Variants in HERC1 observed in about 807,000 individuals in gnomAD.
HERC1 encodes the protein probable E3 ubiquitin-protein ligase HERC1.
Under a neutral mutation model 554.3 loss-of-function variants are expected in HERC1, and 160 were observed. The ratio of observed to expected loss-of-function variants is 0.29; its 90% CI spans 0.25 to 0.33. The LOEUF (loss-of-function observed/expected upper bound fraction) is 0.33, where lower values mean the gene tolerates loss of function less well. Ranked by LOEUF, HERC1 falls within the 10% of genes least tolerant of loss-of-function variation. The probability of loss-of-function intolerance (pLI) is 1.00; values close to 1 mark genes in which losing one functional copy is unlikely to be tolerated. For missense variants in HERC1, 4,919 were observed against 5,918.5 expected, an observed-to-expected ratio of 0.83 and a Z score of 5.54; for synonymous variants, 2,175 against 2,131.7, an observed-to-expected ratio of 1.02 and a Z score of -0.56.
At chr15:63,720,103 C>CTTTCTTTTTTTTTTT (rs2073748382) in intron 19 of HERC1, among the ~76,000 whole-genome samples, 1 of 71,608 alleles carries the variant, frequency 1.4e-5, no homozygotes, top group Admixed American at 1.7e-4. Flanking sequence ...TTTTTCTTCC[C>CTTTCTTTTTTTTTTT]TTTTTTTTTT....
chr15:63,683,383 G>C (rs973849703), intron 34 of HERC1, among the ~76,000 whole-genome samples: 9 of 151,988 alleles, frequency 5.9e-5, no homozygotes, highest in African/African-American at 2.2e-4. Context: ...GGAGTCTCTG[G>C]GAAAACAGAG....
At chr15:63,703,007 G>C (rs2153083204) in intron 25 of HERC1, among the ~76,000 whole-genome samples, 1 of 151,998 alleles carries the variant, frequency 6.6e-6, no homozygotes. Context: ...AGGAGGCTGA[G>C]GCAGGAGAAT....
chr15:63,666,365 C>T lies in HERC1; in HGVS notation c.8314G>A (p.Glu2772Lys). Reference sequence around the variant, plus strand: ...TAAAAACTTATCCTACCTGTAGCTTCCATGGCTTTGGCAATCTGCCGAAGA... The same window carrying T: ...TAAAAACTTATCCTACCTGTAGCTTTCATGGCTTTGGCAATCTGCCGAAGA... ...FSLRQIAKAM[E>K]ATGARGEADA... Residue 2772 changes from glutamate (E) to lysine (K), a missense_variant, in exon 41 of 78, where the codon GAA becomes AAA. Physicochemically the swap from Glu to Lys is moderately conservative, Grantham distance 56. This residue lies in a region of HERC1 where 1,963 missense variants were observed against 2,228.6 expected (regional missense o/e 0.88). Transcript: ENST00000443617. 2 of 1,610,186 alleles carry T rather than the reference C, an allele frequency of 1.2e-6. No homozygotes were observed. Among genetic ancestry groups the T allele is most frequent in the Non-Finnish European group, 1.7e-6 (2 of 1,176,638 alleles).
Position 63,655,946 on chromosome 15 carries a change from A to C in HERC1, c.9880T>G (p.Ser3294Ala). ...GTTAGATTTACACCTGTTGCAGCAG[A>C]AATCAAGTTCTGAAGAAGCAATTGG... ...LVQLCTQNLI[S>A]AATGVNLTTV... Residue 3294 changes from serine (S) to alanine (A), a missense_variant, in exon 50 of 78, where the codon TCT becomes GCT. Around this residue, in one of 11 missense-constraint regions of HERC1, gnomAD observed 1,963 missense variants for 2,228.6 expected, o/e 0.88. Coordinates refer to ENST00000443617, the MANE Select transcript of HERC1 (RefSeq NM_003922.4). 1 of 1,611,754 alleles carries C rather than the reference A, an allele frequency of 6.2e-7. No individual in the cohort carries two copies. Among genetic ancestry groups the C allele is most frequent in the Middle Eastern group, 1.7e-4 (1 of 6,058 alleles).
At chr15:63,815,347 G>A (rs1047085058) in intron 1 of HERC1, among the ~76,000 whole-genome samples, 3 of 152,148 alleles carry the variant, frequency 2.0e-5, no homozygotes, top group African/African-American at 7.2e-5. Context: ...TTAGATCCTG[G>A]CTTTGCTATG....
Position 63,713,630 on chromosome 15 carries a change from C to A in HERC1, c.4186G>T (p.Ala1396Ser). 3 of 1,612,528 alleles carry A rather than the reference C, an allele frequency of 1.9e-6. No individual in the cohort carries two copies. Among genetic ancestry groups the A allele is most frequent in the South Asian group, 1.1e-5 (1 of 90,750 alleles). The change falls in exon 23 of 78, where the codon GCT (alanine) becomes TCT (serine). Residue 1396 changes from alanine to serine, a missense_variant. Ala to Ser is a moderately conservative substitution (Grantham distance 99, BLOSUM62 1). Coordinates refer to ENST00000443617, the MANE Select transcript of HERC1 (RefSeq NM_003922.4). Reference protein sequence around the residue: ...FQCFLSAREVARSRDRDRMNS... With the variant: ...FQCFLSAREVSRSRDRDRMNS... Reference sequence around the variant, plus strand: ...ATTCTATCTCGGTCTCGGCTACGAGCTACTTCACGGGCTGAGAGGAAACAC... The same window carrying A: ...ATTCTATCTCGGTCTCGGCTACGAGATACTTCACGGGCTGAGAGGAAACAC...
intron 57 of HERC1, 109 bp downstream of exon 57, chr15:63,644,883 T>G (rs549462046): frequency 1.3e-6 from 1 of 747,822 alleles, no homozygotes; most frequent in East Asian, 2.5e-5. Flanking sequence ...CCAATGGATC[T>G]TGCCCTTTGG....
At chr15:63,652,904 C>G (rs1040839526) in intron 51 of HERC1, among the ~76,000 whole-genome samples, 2 of 152,160 alleles carry the variant, frequency 1.3e-5, no homozygotes, top group Admixed American at 1.3e-4. Flanking sequence ...CCCACCTCAG[C>G]CTCTCAAAAT....
chr15:63,652,516 T>C lies in HERC1; in HGVS notation c.10316A>G (p.Lys3439Arg), dbSNP rs937388265. 4 of 1,600,642 alleles carry C rather than the reference T, an allele frequency of 2.5e-6. No homozygotes were observed. The highest frequency in any genetic ancestry group is 3.4e-6 in the Non-Finnish European group (4 of 1,172,410). ...GCCACTTGTAGCCAAAAGACCTTTT[T>C]TATTACACCAAACACATGTCATTAC... ...NRVMTCVWCN[K>R]KGLLATSGND... The change falls in exon 52 of 78, where the codon AAA becomes AGA. Residue 3439 changes from lysine (K) to arginine (R), a missense_variant. Transcript: ENST00000443617.
chr15:63,706,740 T>C, intron 25 of HERC1, 40 bp downstream of exon 25: 1 of 1,091,698 alleles, frequency 9.2e-7, no homozygotes, highest in Non-Finnish European at 1.3e-6. Flanking sequence ...AGACAGGGTC[T>C]CACTAAGATA....
At chr15:63,619,829 T>A (rs199746656) in intron 74 of HERC1, among the ~76,000 whole-genome samples, 1,873 of 152,308 alleles carry the variant, frequency 0.012, 22 homozygotes, top group East Asian at 0.023. Flanking sequence ...TTCTGTGGGA[T>A]CGGTGGTGAT....
chr15:63,716,590 T>C (rs893213067), intron 21 of HERC1, 117 bp from the exon 22 acceptor site: 4 of 805,862 alleles, frequency 5.0e-6, no homozygotes, highest in Non-Finnish European at 1.9e-6. Context: ...TAATAACACA[T>C]GAACTTTACT....
chr15:63,697,304 A>G (rs978237744), intron 26 of HERC1, among the ~76,000 whole-genome samples: 5 of 151,880 alleles, frequency 3.3e-5, no homozygotes, highest in African/African-American at 1.2e-4. Flanking sequence ...AGCTGTTCAT[A>G]TATTTTGTAG....
intron 1 of HERC1, among the ~76,000 whole-genome samples, chr15:63,787,052 G>A (rs975198529): frequency 6.6e-6 from 1 of 151,902 alleles, no homozygotes; most frequent in Non-Finnish European, 1.5e-5. Context: ...ATGTTGGCCA[G>A]GCTGGTCTTG....
At position 63,723,366 on chromosome 15, in the gene HERC1, TACTC is replaced by T. The variant is rs1456951897; in HGVS notation, c.3569-15_3569-12del. 6.6e-6 allele frequency: 10 copies of T among 1,511,294 alleles called. No homozygotes were observed. The highest frequency in any genetic ancestry group is 4.2e-5 in the African/African-American group (3 of 72,090). 93.6% of individuals were successfully genotyped at this position (1,511,294 alleles called of 1,614,324 possible). On this transcript the variant is annotated splice_polypyrimidine_tract_variant and intron_variant, in intron 18 of 77. Coordinates refer to ENST00000443617, the MANE Select transcript of HERC1 (RefSeq NM_003922.4). The stretch of plus-strand genomic sequence containing the variant: ...AACTCATACATTTATCTAAAAAAAA[TACTC>T]ACGTTACCAATTTTAACATCATAAA...
At chr15:63,829,544 TGTGTGTGTGTGTGTGTGTATATATATATA>T (rs2078072385) in intron 1 of HERC1, among the ~76,000 whole-genome samples, 1 of 53,200 alleles carries the variant, frequency 1.9e-5, no homozygotes, top group Non-Finnish European at 3.4e-5. Context: ...CATATATGTA[TGTGTGTGTGTGTGTGTGTATATATATATA>T]TATATATATA....
chr15:63,645,496 A>G lies in HERC1; in HGVS notation c.11065T>C (p.Leu3689=). The change falls in exon 56 of 78, where the codon TTA becomes CTA. Residue 3689 remains leucine, a synonymous_variant. Coordinates refer to ENST00000443617, the MANE Select transcript of HERC1 (RefSeq NM_003922.4). ...TTGACAACATACGTAGCCATCAGTA[A>G]CTGCAACTTGGATCCTTTCCCTGGA... ...RLPGKGSKLQ[L]LMATGCQSGL... 1.9e-6 allele frequency: 3 copies of G among 1,611,096 alleles called. No individual in the cohort carries two copies. The highest frequency in any genetic ancestry group is 1.7e-6 in the Non-Finnish European group (2 of 1,178,554).
At chr15:63,675,166 C>T (rs1307733393) in intron 37 of HERC1, 49 bp from the exon 38 acceptor site, 47 of 1,472,026 alleles carry the variant, frequency 3.2e-5, no homozygotes, top group Non-Finnish European at 3.9e-5. Flanking sequence ...GAGGGAAAGA[C>T]GGGAGGAAGG....
At chr15:63,651,458 G>T in intron 52 of HERC1, 78 bp from the exon 53 acceptor site, 1 of 1,403,776 alleles carries the variant, frequency 7.1e-7, no homozygotes, top group Non-Finnish European at 9.8e-7. Flanking sequence ...TTAAAATAAG[G>T]GTTTCATATA....
Sources: allele counts gnomAD v4.1 joint callset (sites outside exome capture counted in the v4.1 genomes callset), GRCh38; gene constraint gnomAD v4.1.1; regional missense constraint gnomAD v4.1.1; transcripts MANE v1.5; gene names NCBI Gene and HGNC (gene_info 2026-07-23, HGNC 2026-07-21).